The following VRK3 variants were observed in gnomAD, a reference collection of about 807,000 sequenced individuals.
VRK3 encodes serine/threonine-protein kinase VRK3.
A neutral mutation model predicts 60.4 loss-of-function variants in VRK3; 50 were observed. The ratio of observed to expected loss-of-function variants is 0.83; its 90% CI spans 0.66 to 1.05. The LOEUF (loss-of-function observed/expected upper bound fraction) is 1.05. Ranked by LOEUF, VRK3 falls within the 50% of genes least tolerant of loss-of-function variation. The pLI is 0.00. For missense variants in VRK3, 549 were observed against 585.3 expected, an observed-to-expected ratio of 0.94 and a Z score of 0.64; for synonymous variants, 246 against 227.8, an observed-to-expected ratio of 1.08 and a Z score of -0.72.
At chr19:50,010,330 G>A (rs1449510976) in intron 3 of VRK3, among the ~76,000 whole-genome samples, 1 of 152,036 alleles carries the variant, frequency 6.6e-6, no homozygotes, top group African/African-American at 2.4e-5. Context: ...TGGCAGGTCC[G>A]ATTCTGCAGT....
chr19:50,009,919 G>A (rs1419878082), intron 3 of VRK3, among the ~76,000 whole-genome samples: 1 of 152,138 alleles, frequency 6.6e-6, no homozygotes, highest in Non-Finnish European at 1.5e-5. Context: ...GGGATTACAG[G>A]CATGAGCCAC....
chr19:49,985,337 G>C (rs761812862), intron 12 of VRK3, among the ~76,000 whole-genome samples: 14 of 152,218 alleles, frequency 9.2e-5, no homozygotes, highest in Middle Eastern at 3.2e-3. Context: ...ATGGACTTGT[G>C]TTCTAGCAGG....
At chr19:49,986,360 CACAGA>C (rs2076515995) in intron 12 of VRK3, 1 of 153,134 alleles carries the variant, frequency 6.5e-6, no homozygotes, top group South Asian at 2.1e-4. Flanking sequence ...AGTTTAAGGA[CACAGA>C]CATGTCTATA....
chr19:49,996,015 AG>A (rs2076698172), intron 7 of VRK3, among the ~76,000 whole-genome samples: 1 of 151,872 alleles, frequency 6.6e-6, no homozygotes, highest in Non-Finnish European at 1.5e-5. Flanking sequence ...TCCACCTCCC[AG>A]GTTCAAGTGA....
intron 2 of VRK3, among the ~76,000 whole-genome samples, chr19:50,019,519 T>C (rs1270209036): frequency 6.6e-6 from 1 of 151,916 alleles, no homozygotes; most frequent in Non-Finnish European, 1.5e-5. Context: ...ACTTCTTTTT[T>C]ATTTTTTAGC....
intron 12 of VRK3, among the ~76,000 whole-genome samples, chr19:49,983,533 A>C (rs2076459907): frequency 6.6e-6 from 1 of 152,206 alleles, no homozygotes; most frequent in Middle Eastern, 3.2e-3. Flanking sequence ...CACCACTGCC[A>C]CCACCTGCCA....
At chr19:50,008,066 T>C (rs1350733812) in intron 4 of VRK3, among the ~76,000 whole-genome samples, 1 of 152,116 alleles carries the variant, frequency 6.6e-6, no homozygotes, top group African/African-American at 2.4e-5. Context: ...TAGACACAGC[T>C]AGTCAGATGC....
chr19:49,984,547 G>A (rs1385717852), intron 12 of VRK3, among the ~76,000 whole-genome samples: 2 of 152,210 alleles, frequency 1.3e-5, no homozygotes, highest in African/African-American at 2.4e-5. Context: ...TTGGGGCTGC[G>A]TCTGCCCGAC....
intron 12 of VRK3, 171 bp downstream of exon 12, chr19:49,988,201 C>T (rs1365077460): frequency 4.9e-6 from 5 of 1,015,204 alleles, no homozygotes; most frequent in Non-Finnish European, 6.8e-6. Flanking sequence ...GGAACACCTG[C>T]CTCGCCTGCT....
chr19:49,997,408 C>T (rs1185669894), intron 7 of VRK3, 96 bp downstream of exon 7: 3 of 1,393,010 alleles, frequency 2.2e-6, no homozygotes, highest in African/African-American at 2.9e-5. Flanking sequence ...TTAATCTAAG[C>T]CCACCCTTCT....
chr19:49,997,513 G>C lies in VRK3; in HGVS notation c.670C>G (p.Pro224Ala). 1 of 1,613,926 alleles carries C rather than the reference G, an allele frequency of 6.2e-7. No individual in the cohort carries two copies. The highest frequency in any genetic ancestry group is 8.5e-7 in the Non-Finnish European group (1 of 1,179,920). The change falls in exon 7 of 15, where the codon CCT (proline) becomes GCT (alanine). Residue 224 changes from proline to alanine, a missense_variant. Transcript: ENST00000316763. ...GTTCCCTGTCAGGTACCTTGCAGAGGCTTGGCGGCCCGCTGGAAGAAGTTC... is the reference window on the plus strand; with the variant it reads ...GTTCCCTGTCAGGTACCTTGCAGAGCCTTGGCGGCCCGCTGGAAGAAGTTC... ...EQNFFQRAAKPLQVNKWKKLY... is the reference protein window; with the variant it reads ...EQNFFQRAAKALQVNKWKKLY...
chr19:50,000,176 G>C (rs2076777141), intron 6 of VRK3: 1 of 152,628 alleles, frequency 6.6e-6, no homozygotes, highest in Non-Finnish European at 1.5e-5. Flanking sequence ...ACCCAGGGAT[G>C]ATGGCGGGGC....
rs772612595 is a variant in VRK3 at position 50,016,048 on chromosome 19, T to C, written c.115A>G (p.Asn39Asp). ...CCTTGGAAGGATGACACATGTGGATTGACAAAGGTCTGGGACCCTACATGC... is the reference window on the plus strand; with the variant it reads ...CCTTGGAAGGATGACACATGTGGATCGACAAAGGTCTGGGACCCTACATGC... Reference protein sequence around the residue: ...EEHVGSQTFVNPHVSSFQGSK... With the variant: ...EEHVGSQTFVDPHVSSFQGSK... Residue 39 changes from asparagine (N) to aspartate (D), a missense_variant, in exon 3 of 15, where the codon AAT becomes GAT. Transcript: ENST00000316763. 7 of 1,614,220 alleles carry C rather than the reference T, an allele frequency of 4.3e-6. No homozygotes were observed. The South Asian group carries it at 5.5e-5, about 13-fold the overall frequency.
intron 5 of VRK3, among the ~76,000 whole-genome samples, chr19:50,002,521 G>A (rs1003260920): frequency 2.0e-5 from 3 of 152,178 alleles, no homozygotes; most frequent in African/African-American, 7.2e-5. Context: ...GGCACCATGA[G>A]GTTAATGACA....
In VRK3 at chr19:49,994,860, T is replaced by C. The variant is rs371881734; in HGVS notation, c.824A>G (p.Lys275Arg). Reference sequence around the variant, plus strand: ...CACAGACCTCTCTGACAGCACATGCTTTGGGCTGACATCCAGGGCCGACTG... The same window carrying C: ...CACAGACCTCTCTGACAGCACATGCCTTGGGCTGACATCCAGGGCCGACTG... ...SLQSALDVSP[K>R]HVLSERSVLQ... Residue 275 changes from lysine to arginine, a missense_variant, in exon 9 of 15, where the codon AAG (lysine) becomes AGG (arginine). Transcript: ENST00000316763. 43 of 1,613,992 alleles carry C rather than the reference T, an allele frequency of 2.7e-5. No homozygotes were observed. Among genetic ancestry groups the C allele is most frequent in the Non-Finnish European group, 3.6e-5 (42 of 1,180,016 alleles).
At chr19:50,000,075 G>T (rs1379413549) in intron 6 of VRK3, 1 of 152,338 alleles carries the variant, frequency 6.6e-6, no homozygotes, top group African/African-American at 2.4e-5. Context: ...AGGGCGGAGG[G>T]AGGGCAACTG....
At chr19:49,992,652 G>T (rs1380668910) in intron 10 of VRK3, among the ~76,000 whole-genome samples, 2 of 152,162 alleles carry the variant, frequency 1.3e-5, no homozygotes, top group African/African-American at 4.8e-5. Flanking sequence ...TAGCTAGCCT[G>T]TGGATTTCTT....
chr19:50,000,697 G>A (rs1486977043), intron 6 of VRK3, 93 bp downstream of exon 6: 2 of 1,454,474 alleles, frequency 1.4e-6, no homozygotes, highest in African/African-American at 2.8e-5. Flanking sequence ...CCCCGGCCGA[G>A]CTCTCCCAGC....
At chr19:50,020,333 A>T (rs1289119302) in intron 2 of VRK3, 1 of 152,156 alleles carries the variant, frequency 6.6e-6, no homozygotes, top group Non-Finnish European at 1.5e-5. Context: ...GAGCCTCCAC[A>T]CCTGGCAGAA....
Sources: allele counts gnomAD v4.1 joint callset (sites outside exome capture counted in the v4.1 genomes callset), GRCh38; gene constraint gnomAD v4.1.1; transcripts MANE v1.5; gene names NCBI Gene and HGNC (gene_info 2026-07-23, HGNC 2026-07-21).